The following IL1R1 variants were observed in gnomAD, a reference collection of about 807,000 sequenced individuals.
The protein encoded by IL1R1 is interleukin 1 receptor type 1, also known as interleukin-1 receptor type 1.
In IL1R1, 22 loss-of-function variants were observed where a neutral mutation model predicts 50.2. The observed-to-expected ratio is 0.44, with a 90% CI of 0.31 to 0.63. The LOEUF is 0.63. Ranked by LOEUF, IL1R1 falls within the 20% of genes least tolerant of loss-of-function variation. The probability of loss-of-function intolerance (pLI) is 0.07; values close to 1 mark genes in which losing one functional copy is unlikely to be tolerated. For synonymous variants in IL1R1, 251 were observed against 236.7 expected, an observed-to-expected ratio of 1.06 and a Z score of -0.55; for missense variants, 509 against 676.2, an observed-to-expected ratio of 0.75 and a Z score of 2.74.
chr2:102,108,224 A>C (rs202246315), intron 1 of IL1R1, among the ~76,000 whole-genome samples: 1 of 128,460 alleles, frequency 7.8e-6, no homozygotes. Context: ...GTGTGTGTGT[A>C]TGTATGTGTG....
chr2:102,119,879 G>A (rs977751043), intron 1 of IL1R1, among the ~76,000 whole-genome samples: 2 of 152,076 alleles, frequency 1.3e-5, no homozygotes, highest in South Asian at 2.1e-4. Flanking sequence ...TAGTCACCAC[G>A]TTGTCCATTA....
chr2:102,114,855 G>T (rs1427185175), intron 1 of IL1R1, among the ~76,000 whole-genome samples: 2 of 152,196 alleles, frequency 1.3e-5, no homozygotes, highest in Admixed American at 6.5e-5. Flanking sequence ...CTGATGTCCT[G>T]ATTGTAAATT....
At chr2:102,131,647 TA>T (rs57203651) in intron 1 of IL1R1, among the ~76,000 whole-genome samples, 6 of 150,318 alleles carry the variant, frequency 4.0e-5, no homozygotes, top group African/African-American at 1.5e-4. Flanking sequence ...ATAGAAACTA[TA>T]AAAAAAAACC....
intron 6 of IL1R1, among the ~76,000 whole-genome samples, chr2:102,166,996 G>A (rs1361268604): frequency 6.6e-6 from 1 of 152,106 alleles, no homozygotes; most frequent in African/African-American, 2.4e-5. Context: ...AATTGCCAGG[G>A]GATAGTCAGA....
At chr2:102,175,702 T>G (rs1686069223) in intron 11 of IL1R1, 57 bp downstream of exon 11, 1 of 1,513,488 alleles carries the variant, frequency 6.6e-7, no homozygotes, top group Non-Finnish European at 9.2e-7. Context: ...CTTAGTAAAA[T>G]GTGGATTCCA....
chr2:102,117,245 A>G (rs1363153660), intron 1 of IL1R1, among the ~76,000 whole-genome samples: 4 of 152,154 alleles, frequency 2.6e-5, no homozygotes, highest in Non-Finnish European at 4.4e-5. Context: ...CTGAGTGCCA[A>G]CCACCACAAC....
At chr2:102,154,623 A>G (rs1684001420) in intron 2 of IL1R1, among the ~76,000 whole-genome samples, 1 of 152,090 alleles carries the variant, frequency 6.6e-6, no homozygotes. Flanking sequence ...CAGCTGGCCC[A>G]GCCCTCATCC....
intron 1 of IL1R1, among the ~76,000 whole-genome samples, chr2:102,137,253 A>T (rs917409622): frequency 6.6e-6 from 1 of 152,174 alleles, no homozygotes; most frequent in African/African-American, 2.4e-5. Context: ...GAGTACAGTC[A>T]TTGTTTTGAT....
rs1166888160 is a variant in IL1R1, at chr2:102,109,464, C to G, written c.-84+4592C>G. ...GTGAGGAGAGATCCATCAGCCTGCA[C>G]CAAGTCTGTCTGCCTTCTGAGTCCA... On this transcript the variant is annotated intron_variant, in intron 1 of 10. Transcript: ENST00000409329. Among the ~76,000 whole-genome samples, 6 of 151,990 alleles carry G rather than the reference C, an allele frequency of 3.9e-5. No homozygotes were observed. In the East Asian group the frequency reaches 7.7e-4, roughly 20 times the overall value.
chr2:102,103,469 G>A (rs970488397), upstream of IL1R1, among the ~76,000 whole-genome samples: 1 of 152,154 alleles, frequency 6.6e-6, no homozygotes, highest in African/African-American at 2.4e-5. Flanking sequence ...GCCTCTTAGG[G>A]TCAGCAGGCG....
intron 1 of IL1R1, among the ~76,000 whole-genome samples, chr2:102,108,236 GTGT>G (rs1680531400): frequency 1.0e-5 from 1 of 96,180 alleles, no homozygotes; most frequent in Non-Finnish European, 2.3e-5. Context: ...GTATGTGTGT[GTGT>G]GTGGGGGGGG....
At chr2:102,107,283 A>G (rs1193714387) in intron 1 of IL1R1, among the ~76,000 whole-genome samples, 1 of 152,182 alleles carries the variant, frequency 6.6e-6, no homozygotes, top group African/African-American at 2.4e-5. Context: ...AAAATGTGGC[A>G]CATATACACC....
intron 1 of IL1R1, among the ~76,000 whole-genome samples, chr2:102,123,612 C>T (rs1017325377): frequency 1.3e-5 from 2 of 152,048 alleles, no homozygotes; most frequent in East Asian, 1.9e-4. Flanking sequence ...CCCACCTCTA[C>T]TAAAAATACA....
chr2:102,100,713 A>C (rs1680104194), upstream of IL1R1, among the ~76,000 whole-genome samples: 1 of 152,008 alleles, frequency 6.6e-6, no homozygotes, highest in South Asian at 2.1e-4. Context: ...ATTCATCTAG[A>C]ATCTTTCCCA....
At chr2:102,119,339 A>G (rs1000493790) in intron 1 of IL1R1, among the ~76,000 whole-genome samples, 4 of 152,220 alleles carry the variant, frequency 2.6e-5, no homozygotes, top group Non-Finnish European at 5.9e-5. Flanking sequence ...TGCTATGGAA[A>G]CCAAATTGTT....
At chr2:102,086,308 G>T (rs1040015115) in intron 1 of IL1R1, among the ~76,000 whole-genome samples, 4 of 152,062 alleles carry the variant, frequency 2.6e-5, no homozygotes, top group African/African-American at 9.7e-5. Context: ...GAATTCAGTT[G>T]TTAATCACTT....
In IL1R1 at chr2:102,176,801, T is replaced by G; in HGVS notation, c.*42T>G. 1 of 1,587,740 alleles carries G rather than the reference T, an allele frequency of 6.3e-7. No individual in the cohort carries two copies. The highest frequency in any genetic ancestry group is 1.7e-4 in the Middle Eastern group (1 of 5,964). Reference sequence around the variant, plus strand: ...AGAGTTCTTTAGGTGCCTCCTGTCTTATGGCGTTGCAGGCCAGGTTATGCC... The same window carrying G: ...AGAGTTCTTTAGGTGCCTCCTGTCTGATGGCGTTGCAGGCCAGGTTATGCC... On this transcript the variant is annotated 3_prime_UTR_variant, in exon 12 of 12. Transcript: ENST00000410023.
chr2:102,156,457 CT>C (rs928581556), intron 2 of IL1R1, among the ~76,000 whole-genome samples: 6 of 150,634 alleles, frequency 4.0e-5, no homozygotes, highest in Non-Finnish European at 5.9e-5. Flanking sequence ...GTTAGAAAAT[CT>C]TTTTTTTTCC....
intron 6 of IL1R1, among the ~76,000 whole-genome samples, chr2:102,167,148 C>T (rs1685251193): frequency 6.6e-6 from 1 of 152,112 alleles, no homozygotes; most frequent in Non-Finnish European, 1.5e-5. Context: ...TTGGGACTAT[C>T]CCAAGCAAAC....
Sources: gnomAD v4.1 joint callset for allele counts (sites outside exome capture counted in the v4.1 genomes callset) on GRCh38, gnomAD v4.1.1 for gene constraint, MANE v1.5 for transcripts, NCBI Gene and HGNC (gene_info 2026-07-23, HGNC 2026-07-21) for gene names.